Variants in TENM2 observed in about 807,000 individuals in gnomAD.
TENM2 encodes teneurin-2.
In TENM2, 52 loss-of-function variants were observed where a neutral mutation model predicts 245.2. That is an observed-to-expected ratio of 0.21 (90% CI 0.17 to 0.27). The LOEUF is 0.27. Ranked by LOEUF, TENM2 falls within the 10% of genes least tolerant of loss-of-function variation. The pLI, the probability that TENM2 is intolerant of heterozygous loss-of-function variation, is 1.00. For missense variants in TENM2, 3,046 were observed against 3,666.8 expected (o/e 0.83, Z 4.37); for synonymous variants, 1,363 against 1,438.9 (o/e 0.95, Z 1.19).
chr5:168,244,682 A>G lies in TENM2; in HGVS notation c.5783A>G (p.Asp1928Gly), dbSNP rs772038097. 6.7e-7 allele frequency: 1 copy of G among 1,494,194 alleles called. No homozygotes were observed. Among genetic ancestry groups the G allele is most frequent in the African/African-American group, 1.4e-5 (1 of 71,734 alleles). The allele number at this position is 1,494,194 out of a possible 1,614,324, so 92.6% of individuals were successfully genotyped here. A position where few individuals can be genotyped will look rare whatever the true frequency, so the allele number is the denominator to read the frequency against. ...CGCATCGTGTCCCGCATGTTCGCTG[A>G]CGGGAAAGTGTGGAGCTACTCCTAC... Residue 1928 changes from aspartate to glycine, a missense_variant, in exon 26 of 29, where the codon GAC becomes GGC. Around this residue, in one of 2 missense-constraint regions of TENM2, gnomAD observed 2,704 missense variants for 3,331.9 expected, o/e 0.81. Coordinates refer to ENST00000518659, the Ensembl canonical transcript of TENM2. The surrounding 1 kb of genome is among the most constrained non-coding windows in gnomAD (Gnocchi z 4.9).
intron 2 of TENM2, among the ~76,000 whole-genome samples, chr5:167,862,326 G>T (rs140172124): frequency 6.6e-6 from 1 of 151,960 alleles, no homozygotes; most frequent in East Asian, 1.9e-4. Flanking sequence ...GTTGGGAGCC[G>T]AACTAAAACA....
intron 1 of TENM2, among the ~76,000 whole-genome samples, chr5:167,317,387 C>T (rs1311730439): frequency 1.3e-5 from 2 of 152,058 alleles, no homozygotes; most frequent in East Asian, 1.9e-4. Flanking sequence ...TTCATCCTAC[C>T]ATAGAATGGA....
intron 2 of TENM2, among the ~76,000 whole-genome samples, chr5:167,690,089 G>GA (rs1245621900): frequency 3.7e-5 from 5 of 134,116 alleles, no homozygotes; most frequent in African/African-American, 8.4e-5. Context: ...CGAAATTTAG[G>GA]AAAAAAACAC....
At chr5:167,670,840 C>G (rs1457012938) in intron 2 of TENM2, among the ~76,000 whole-genome samples, 1 of 152,148 alleles carries the variant, frequency 6.6e-6, no homozygotes, top group Non-Finnish European at 1.5e-5. Flanking sequence ...TTCCTCCTTG[C>G]CATTTTTCCT....
the TENM2 span, among the ~76,000 whole-genome samples, chr5:167,215,238 C>A: frequency 1.3e-5 from 2 of 152,248 alleles, no homozygotes; most frequent in African/African-American, 2.4e-5. Flanking sequence ...ACTTGAGAAG[C>A]TTTTGAAAAA....
intron 2 of TENM2, among the ~76,000 whole-genome samples, chr5:167,634,184 T>G (rs1779047930): frequency 6.6e-6 from 1 of 152,204 alleles, no homozygotes; most frequent in African/African-American, 2.4e-5. Flanking sequence ...GTTTCTGTTT[T>G]TAAGAAACAG....
At chr5:168,104,600 C>A (rs2152296284) in intron 9 of TENM2, among the ~76,000 whole-genome samples, 1 of 152,348 alleles carries the variant, frequency 6.6e-6, no homozygotes, top group East Asian at 1.9e-4. Context: ...TGACCTCACA[C>A]TGCGCCTCCC....
the TENM2 span, among the ~76,000 whole-genome samples, chr5:167,134,770 A>G: frequency 6.6e-6 from 1 of 152,158 alleles, no homozygotes; most frequent in African/African-American, 2.4e-5. Context: ...CTTAGAACAT[A>G]TTTTCCCTTC....
chr5:167,164,820 A>G, the TENM2 span: 2 of 152,218 alleles, frequency 1.3e-5, no homozygotes, highest in Non-Finnish European at 2.9e-5. Flanking sequence ...TTGTCCATCC[A>G]TACTTTGCTT....
At chr5:167,271,409 C>A in the TENM2 span, among the ~76,000 whole-genome samples, 2 of 151,964 alleles carry the variant, frequency 1.3e-5, no homozygotes, top group East Asian at 3.9e-4. Context: ...GGAGGTGTAA[C>A]CATGCTGTCT....
At chr5:167,948,522 G>T (rs1779822795) in intron 3 of TENM2, among the ~76,000 whole-genome samples, 1 of 152,146 alleles carries the variant, frequency 6.6e-6, no homozygotes, top group African/African-American at 2.4e-5. Context: ...TTAGTAAAGA[G>T]CCAATAAGAC....
chr5:168,227,748 T>G (rs566923443), intron 24 of TENM2, 147 bp from the exon 27 acceptor site: 104 of 576,074 alleles, frequency 1.8e-4, no homozygotes, highest in Admixed American at 1.2e-3. Flanking sequence ...ACATGGTATG[T>G]ATGTGTGCTA....
rs149034608 is a variant in TENM2, at chr5:168,021,959, A to G, written c.1187-25468A>G. ...ATCTTCTCATCTAATTGTCTAAACAATCCTACATCACAAGATACTGTCATC... is the reference window on the plus strand; with the variant it reads ...ATCTTCTCATCTAATTGTCTAAACAGTCCTACATCACAAGATACTGTCATC... On this transcript the variant is annotated intron_variant, in intron 5 of 28. Coordinates refer to ENST00000518659, the Ensembl canonical transcript of TENM2. Among the ~76,000 whole-genome samples, 35 of 152,290 alleles carry G rather than the reference A, an allele frequency of 2.3e-4. 1 individual carries two copies. In the East Asian group the frequency reaches 6.2e-3, roughly 27 times the overall value.
intron 2 of TENM2, among the ~76,000 whole-genome samples, chr5:167,495,343 C>G (rs1250723096): frequency 6.6e-6 from 1 of 150,878 alleles, no homozygotes; most frequent in African/African-American, 2.4e-5. Context: ...CTTGAAAATT[C>G]TTTGGGGCTG....
At chr5:167,221,852 C>T in the TENM2 span, among the ~76,000 whole-genome samples, 3 of 152,072 alleles carry the variant, frequency 2.0e-5, no homozygotes, top group Non-Finnish European at 2.9e-5. Context: ...TAAATGTACT[C>T]GTTAAAGACA....
chr5:168,044,774 A>G (rs1581149938), intron 5 of TENM2, among the ~76,000 whole-genome samples: 1 of 152,202 alleles, frequency 6.6e-6, no homozygotes, highest in East Asian at 1.9e-4. Context: ...AGAGCAAATC[A>G]GTAGCAGAAT....
At chr5:167,104,484 A>G in the TENM2 span, among the ~76,000 whole-genome samples, 1 of 152,242 alleles carries the variant, frequency 6.6e-6, no homozygotes, top group African/African-American at 2.4e-5. Flanking sequence ...ACAATAATTG[A>G]ATTACCAACA....
chr5:167,573,531 C>CCA (rs1554083975), intron 2 of TENM2, among the ~76,000 whole-genome samples: 8,032 of 149,924 alleles, frequency 0.054, 412 homozygotes, highest in African/African-American at 0.13. Flanking sequence ...CCCCTCTCCC[C>CCA]CTCTCTCTCT....
chr5:167,157,590 C>T, the TENM2 span, among the ~76,000 whole-genome samples: 4 of 152,094 alleles, frequency 2.6e-5, no homozygotes, highest in Non-Finnish European at 5.9e-5. Context: ...AAAAACACAG[C>T]TTAGGGAGGA....
Sources: allele counts gnomAD v4.1 joint callset (sites outside exome capture counted in the v4.1 genomes callset), GRCh38; gene constraint gnomAD v4.1.1; regional missense constraint gnomAD v4.1.1; non-coding constraint Gnocchi (gnomAD v3.1); transcripts MANE v1.5; gene names NCBI Gene and HGNC (gene_info 2026-07-23, HGNC 2026-07-21).